Variants in DPF3 observed in about 807,000 individuals in gnomAD.
DPF3 encodes zinc finger protein DPF3.
In DPF3, 18 loss-of-function variants were observed where a neutral mutation model predicts 56.8. The ratio of observed to expected loss-of-function variants is 0.32; its 90% CI spans 0.22 to 0.47. The LOEUF is 0.47. DPF3 is among the 20% of genes least tolerant of loss of function. DPF3 has a pLI of 1.00. For missense variants in DPF3, 403 were observed against 488.8 expected, an observed-to-expected ratio of 0.82 and a Z score of 1.65; for synonymous variants, 188 against 180.2, an observed-to-expected ratio of 1.04 and a Z score of -0.35.
chr14:72,631,835 C>T (rs1269725825), intron 8 of DPF3, among the ~76,000 whole-genome samples: 1 of 152,228 alleles, frequency 6.6e-6, no homozygotes. Context: ...CATAATTGGC[C>T]GTAAAAACAC....
At chr14:72,863,134 GTGTATA>G (rs1223903440) in intron 1 of DPF3, among the ~76,000 whole-genome samples, 1 of 91,394 alleles carries the variant, frequency 1.1e-5, no homozygotes, top group African/African-American at 6.2e-5. Flanking sequence ...GTGTGTGTGT[GTGTATA>G]TATATATGTG....
At chr14:72,798,776 T>C (rs1432984827) in intron 1 of DPF3, among the ~76,000 whole-genome samples, 1 of 152,152 alleles carries the variant, frequency 6.6e-6, no homozygotes, top group Non-Finnish European at 1.5e-5. Flanking sequence ...TTGAGATCAG[T>C]GTAGCTGAGC....
At chr14:72,725,052 T>C (rs1413296964) in intron 4 of DPF3, among the ~76,000 whole-genome samples, 1 of 152,092 alleles carries the variant, frequency 6.6e-6, no homozygotes, top group Non-Finnish European at 1.5e-5. Flanking sequence ...CTGTGTGATC[T>C]AGGGCAAGTC....
intron 2 of DPF3, among the ~76,000 whole-genome samples, chr14:72,767,191 G>A (rs1316508520): frequency 6.6e-5 from 10 of 152,210 alleles, no homozygotes. Flanking sequence ...AAGGAGACCT[G>A]CTAATATAGA....
chr14:72,612,027 T>C lies in DPF3; in HGVS notation c.*7270A>G, dbSNP rs1883757416. On this transcript the variant is annotated 3_prime_UTR_variant, in exon 11 of 11. Coordinates refer to ENST00000556509, the MANE Select transcript of DPF3 (RefSeq NM_001280542.3). ...CCAGCCCCTACAGGACCTAGAGCAT[T>C]GCCTCGCACACAGTCGATGCCCTGC... Among the ~76,000 whole-genome samples the C allele has an allele frequency of 6.6e-6, 1 of 152,216 alleles. No individual in the cohort carries two copies. The highest frequency in any genetic ancestry group is 1.5e-5 in the Non-Finnish European group (1 of 68,042).
chr14:72,735,037 C>CAG (rs1889832605), intron 3 of DPF3, among the ~76,000 whole-genome samples: 1 of 152,152 alleles, frequency 6.6e-6, no homozygotes, highest in Admixed American at 6.5e-5. Flanking sequence ...TGATATCACA[C>CAG]AGCTGGTAAG....
rs894651263 is a variant in DPF3 at position 72,613,054 on chromosome 14, G to A, written c.*6243C>T. On this transcript the variant is annotated 3_prime_UTR_variant, in exon 11 of 11. Transcript: ENST00000556509. ...TGTATGTGCGTGCGTGCACGCACGC[G>A]CATGCACATGGGCATTCCTGTTCTC... Among the ~76,000 whole-genome samples, 19 of 152,008 alleles carry A rather than the reference G, an allele frequency of 1.2e-4. No individual in the cohort carries two copies. The highest frequency in any genetic ancestry group is 2.9e-4 in the African/African-American group (12 of 41,496).
Position 72,714,469 on chromosome 14 carries a change from G to C in DPF3, c.558C>G (p.His186Gln). ...CGTGGTCTTCCTGAGAGGCGGCGTC[G>C]TGCCTCCTCCTGCCCCCTGCAGAGC... ...ARGSAGGRRR[H>Q]DAASQEDHDK... is the part of the protein sequence containing the mutation. The change falls in exon 6 of 11, where the codon CAC becomes CAG. Residue 186 changes from histidine to glutamine, a missense_variant. Physicochemically the swap from His to Gln is conservative, Grantham distance 24 (BLOSUM62 0). This residue lies in a region of DPF3 where 340 missense variants were observed against 374.3 expected (regional missense o/e 0.91). Transcript: ENST00000556509. 1 of 1,613,852 alleles carries C rather than the reference G, an allele frequency of 6.2e-7. No homozygotes were observed. The highest frequency in any genetic ancestry group is 8.5e-7 in the Non-Finnish European group (1 of 1,179,782).
intron 5 of DPF3, among the ~76,000 whole-genome samples, chr14:72,722,717 G>A (rs1249326422): frequency 6.6e-6 from 1 of 152,200 alleles, no homozygotes; most frequent in East Asian, 1.9e-4. Context: ...TACTTCTGGA[G>A]GTCCCTCTCC....
chr14:72,888,416 G>C (rs1277476717), intron 1 of DPF3, among the ~76,000 whole-genome samples: 1 of 152,124 alleles, frequency 6.6e-6, no homozygotes, highest in East Asian at 1.9e-4. Context: ...CATATGGTTT[G>C]ACAGACTGTG....
Position 72,707,591 on chromosome 14 carries a change from CA to C in DPF3, c.604+6831del, listed in dbSNP as rs1428041409. On this transcript the variant is annotated intron_variant, in intron 6 of 10. Transcript: ENST00000556509. ...CTATGTCATAAAATCTATTTATTGA[CA>C]CAGAAAGATGTTCCTGATGTATCAC... Among the ~76,000 whole-genome samples, 97 of 152,266 alleles carry C rather than the reference CA, an allele frequency of 6.4e-4. 2 individuals are homozygous for C. The highest frequency in any genetic ancestry group is 5.9e-5 in the Non-Finnish European group (4 of 68,030).
chr14:72,748,093 G>A (rs898258542), intron 3 of DPF3, among the ~76,000 whole-genome samples: 4 of 152,342 alleles, frequency 2.6e-5, no homozygotes, highest in Non-Finnish European at 2.9e-5. Context: ...AAGTTTGGAC[G>A]GCTCAGAAGA....
rs116634122 is a variant in DPF3, at chr14:72,799,324, C to A, written c.33-27431G>T. Among the ~76,000 whole-genome samples the A allele has an allele frequency of 4.4e-3, 674 of 152,312 alleles. 8 individuals are homozygous for A. The highest frequency in any genetic ancestry group is 0.016 in the African/African-American group (652 of 41,552). On this transcript the variant is annotated intron_variant, in intron 1 of 10. Coordinates refer to ENST00000556509, the MANE Select transcript of DPF3 (RefSeq NM_001280542.3). ...TGTAAAATCAACCCCACTCTACCCT[C>A]CAACTTCAGAGACAGGCTTGTGACT...
At chr14:72,889,294 T>C (rs1017736487) in intron 1 of DPF3, among the ~76,000 whole-genome samples, 4 of 152,168 alleles carry the variant, frequency 2.6e-5, no homozygotes, top group Admixed American at 1.3e-4. Context: ...TTAATCTCCA[T>C]CATAGGTGTC....
At chr14:72,694,094 A>G (rs1455635827) in intron 6 of DPF3, among the ~76,000 whole-genome samples, 1 of 152,216 alleles carries the variant, frequency 6.6e-6, no homozygotes, top group Non-Finnish European at 1.5e-5. Flanking sequence ...AAAGGGCAGC[A>G]GTTCTGTTGG....
At chr14:72,689,581 G>A (rs905316532) in intron 7 of DPF3, among the ~76,000 whole-genome samples, 4 of 152,178 alleles carry the variant, frequency 2.6e-5, no homozygotes, top group Non-Finnish European at 5.9e-5. Context: ...TTAGGGGCAG[G>A]ATGGATGGGA....
chr14:72,700,420 A>G (rs571903522), intron 6 of DPF3, among the ~76,000 whole-genome samples: 6 of 152,204 alleles, frequency 3.9e-5, no homozygotes, highest in Non-Finnish European at 7.4e-5. Flanking sequence ...CAGTTCTAGA[A>G]GTCTGTTGGG....
In DPF3 at chr14:72,829,888, G is replaced by C. The variant is rs555292279; in HGVS notation, c.33-57995C>G. Reference sequence around the variant, plus strand: ...CTCCCAAGTAGCTGGGATTACAGGCGCCTGCTACCACACCCAGCTAACTTT... The same window carrying C: ...CTCCCAAGTAGCTGGGATTACAGGCCCCTGCTACCACACCCAGCTAACTTT... On this transcript the variant is annotated intron_variant, in intron 1 of 10. Coordinates refer to ENST00000556509, the MANE Select transcript of DPF3 (RefSeq NM_001280542.3). Among the ~76,000 whole-genome samples the C allele has an allele frequency of 2.0e-5, 3 of 151,996 alleles. No individual in the cohort carries two copies. The South Asian group carries it at 6.2e-4, about 32-fold the overall frequency.
chr14:72,653,163 G>A (rs1885966037), intron 8 of DPF3, among the ~76,000 whole-genome samples: 2 of 152,242 alleles, frequency 1.3e-5, no homozygotes, highest in African/African-American at 4.8e-5. Flanking sequence ...TATCACTTCT[G>A]CACAGCTTTG....
Sources: allele counts gnomAD v4.1 joint callset (sites outside exome capture counted in the v4.1 genomes callset), GRCh38; gene constraint gnomAD v4.1.1; regional missense constraint gnomAD v4.1.1; transcripts MANE v1.5; gene names NCBI Gene and HGNC (gene_info 2026-07-23, HGNC 2026-07-21).